Variants in PPIL2 observed in about 807,000 individuals in gnomAD.
PPIL2 encodes the protein RING-type E3 ubiquitin-protein ligase PPIL2.
A neutral mutation model predicts 75.2 loss-of-function variants in PPIL2; 50 were observed. The observed-to-expected ratio is 0.66, with a 90% confidence interval of 0.53 to 0.84. The LOEUF (loss-of-function observed/expected upper bound fraction) is 0.84. Ranked by LOEUF, PPIL2 falls within the 40% of genes least tolerant of loss-of-function variation. PPIL2 has a pLI of 0.00. For synonymous variants in PPIL2, 245 were observed against 258.8 expected, an observed-to-expected ratio of 0.95 and a Z score of 0.51; for missense variants, 590 against 685.0, an observed-to-expected ratio of 0.86 and a Z score of 1.55.
rs1426955067 is a variant in PPIL2, at chr22:21,695,597, A to G, written c.*107A>G. 4.0e-6 allele frequency: 6 copies of G among 1,516,432 alleles called. No individual in the cohort carries two copies. The highest frequency in any genetic ancestry group is 5.3e-6 in the Non-Finnish European group (6 of 1,129,194). The allele number at this position is 1,516,432 out of a possible 1,614,324, so 93.9% of individuals were successfully genotyped here. A position where few individuals can be genotyped will look rare whatever the true frequency, so the allele number is the denominator to read the frequency against. On this transcript the variant is annotated 3_prime_UTR_variant, in exon 20 of 20. Transcript: ENST00000398831. ...CCTGCCCTCTGCTGCCAGCCAATAA[A>G]TTGCTTGCCTGCTGCCTGCATCCCC...
At chr22:21,679,676 A>G (rs1472609379) in intron 6 of PPIL2, among the ~76,000 whole-genome samples, 1 of 151,052 alleles carries the variant, frequency 6.6e-6, no homozygotes, top group African/African-American at 2.4e-5. Context: ...ACCTCAAGCA[A>G]TCCTCCCACC....
intron 15 of PPIL2, among the ~76,000 whole-genome samples, chr22:21,692,925 CAAAA>C (rs113931448): frequency 1.9e-5 from 2 of 103,786 alleles, no homozygotes; most frequent in African/African-American, 3.4e-5. Context: ...GATTCCATCT[CAAAA>C]AAAAAAAAAA....
intron 15 of PPIL2, among the ~76,000 whole-genome samples, chr22:21,689,912 C>T (rs537618392): frequency 1.3e-4 from 20 of 152,310 alleles, no homozygotes; most frequent in Admixed American, 7.8e-4. Flanking sequence ...TGGGTGTCTC[C>T]GTGGCATTCT....
chr22:21,699,255 C>G (rs946970734), downstream of PPIL2: 2 of 152,412 alleles, frequency 1.3e-5, no homozygotes, highest in Admixed American at 1.3e-4. Flanking sequence ...CCTAGACTAG[C>G]CTTGTCTGAA....
Position 21,688,098 on chromosome 22 carries a change from C to A in PPIL2, c.1013C>A (p.Thr338Lys), listed in dbSNP as rs753869555. The A allele has an allele frequency of 1.1e-5, 18 of 1,614,214 alleles. No individual in the cohort carries two copies. The highest frequency in any genetic ancestry group is 1.4e-5 in the Non-Finnish European group (17 of 1,180,034). ...ATCCAAGGGGGCGACCCCACAGGCA[C>A]AGGCACGGGTAGGTACTGGTGCTGG... is the stretch of plus-strand genomic sequence containing the variant. ...FVIQGGDPTGTGTGGESYWGK... is the reference protein window; with the variant it reads ...FVIQGGDPTGKGTGGESYWGK... Residue 338 changes from threonine (T) to lysine (K), a missense_variant, in exon 14 of 20, where the codon ACA becomes AAA. Thr to Lys is a moderately conservative substitution (Grantham distance 78). Coordinates refer to ENST00000398831, the MANE Select transcript of PPIL2 (RefSeq NM_014337.4).
intron 10 of PPIL2, among the ~76,000 whole-genome samples, chr22:21,685,446 G>A (rs1369468020): frequency 6.6e-6 from 1 of 152,148 alleles, no homozygotes; most frequent in African/African-American, 2.4e-5. Context: ...CTCCTGTCAG[G>A]CAGAGCATGG....
chr22:21,669,785 C>G, intron 1 of PPIL2, 128 bp from the exon 2 acceptor site: 1 of 963,328 alleles, frequency 1.0e-6, no homozygotes, highest in South Asian at 1.3e-5. Flanking sequence ...CAGGCGTTAG[C>G]CACCGTGCCC....
In PPIL2 at chr22:21,671,000, C is replaced by G. The variant is rs1438381304; in HGVS notation, c.132C>G (p.Leu44=). 2 of 1,612,202 alleles carry G rather than the reference C, an allele frequency of 1.2e-6. No individual in the cohort carries two copies. Among genetic ancestry groups the G allele is most frequent in the African/African-American group, 1.3e-5 (1 of 74,914 alleles). ...AGGAATGACTGTCCTTTTTCAGTCT[C>G]TCTCTGCAGCCCTTTGTCTACCCAG... ...FRRLPFDHCS[L]SLQPFVYPVC... Residue 44 remains leucine (L), a synonymous_variant, in exon 4 of 20, where the codon CTC becomes CTG. Transcript: ENST00000398831.
At chr22:21,688,156 G>A (rs939385721) in intron 14 of PPIL2, 50 bp downstream of exon 14, 2 of 1,609,400 alleles carry the variant, frequency 1.2e-6, no homozygotes, top group Non-Finnish European at 1.7e-6. Context: ...TGCTCCGTGG[G>A]GCATGAGGGG....
chr22:21,698,598 A>T (rs1328201825), downstream of PPIL2: 1 of 152,338 alleles, frequency 6.6e-6, no homozygotes, highest in Non-Finnish European at 1.5e-5. Context: ...ATGAAGACTC[A>T]CTCAAAGGGA....
In PPIL2 at chr22:21,672,330, G is replaced by A. The variant is rs888467256; in HGVS notation, c.192G>A (p.Leu64=). 5 of 1,611,550 alleles carry A rather than the reference G, an allele frequency of 3.1e-6. No homozygotes were observed. The highest frequency in any genetic ancestry group is 4.2e-6 in the Non-Finnish European group (5 of 1,177,780). The change falls in exon 5 of 20, where the codon CTG becomes CTA. Residue 64 remains leucine, a splice_region_variant and synonymous_variant. Coordinates refer to ENST00000398831, the MANE Select transcript of PPIL2 (RefSeq NM_014337.4). The stretch of plus-strand genomic sequence containing the variant: ...GCTTTCTGTTCTGTCTTCCCTTCAG[G>A]AACATTGTTCCATGGCTTAAGAAGT... ...CTPDGIVFDL[L]NIVPWLKKYG...
chr22:21,685,812 G>A, intron 10 of PPIL2: 1 of 363,110 alleles, frequency 2.8e-6, no homozygotes, highest in Non-Finnish European at 5.4e-6. Context: ...AACATTTATT[G>A]GGGCTTTTCC....
intron 12 of PPIL2, 23 bp downstream of exon 12, chr22:21,687,021 C>CT: frequency 1.3e-6 from 2 of 1,595,122 alleles, no homozygotes; most frequent in Non-Finnish European, 1.7e-6. Flanking sequence ...GCCAGCCACT[C>CT]CCCATGCCCC....
intron 16 of PPIL2, 119 bp from the exon 17 acceptor site, chr22:21,694,474 C>T (rs1264968443): frequency 1.8e-6 from 2 of 1,134,874 alleles, no homozygotes; most frequent in Middle Eastern, 2.8e-4. Flanking sequence ...TGGCTGCTGC[C>T]CAAGGACCAC....
chr22:21,682,613 GC>G (rs2067180429), intron 8 of PPIL2, 87 bp downstream of exon 8: 22 of 697,860 alleles, frequency 3.2e-5, no homozygotes, highest in Non-Finnish European at 4.5e-5. Flanking sequence ...CCACGTCAGG[GC>G]CCCTCATATC....
chr22:21,691,745 C>T (rs1364888866), intron 15 of PPIL2, among the ~76,000 whole-genome samples: 3 of 151,926 alleles, frequency 2.0e-5, no homozygotes, highest in Non-Finnish European at 4.4e-5. Context: ...CTTTTACTTT[C>T]CTCTTATCTG....
intron 9 of PPIL2, among the ~76,000 whole-genome samples, chr22:21,684,384 A>G (rs1344682603): frequency 6.9e-6 from 1 of 145,940 alleles, no homozygotes; most frequent in African/African-American, 2.6e-5. Flanking sequence ...CCTGGGAGGC[A>G]GAACTTGCAG....
chr22:21,672,372 C>A lies in PPIL2; in HGVS notation c.234C>A (p.Ser78Arg). 1 of 1,609,336 alleles carries A rather than the reference C, an allele frequency of 6.2e-7. No homozygotes were observed. The highest frequency in any genetic ancestry group is 8.5e-7 in the Non-Finnish European group (1 of 1,175,660). ...PWLKKYGTNP[S>R]NGEKLDGRSL... ...TTAAGAAGTACGGGACCAACCCCAG[C>A]AATGGAGAGGTAGGTGGCTGTGCAG... Residue 78 changes from serine (S) to arginine (R), a missense_variant, in exon 5 of 20, where the codon AGC becomes AGA. Coordinates refer to ENST00000398831, the MANE Select transcript of PPIL2 (RefSeq NM_014337.4).
intron 10 of PPIL2, chr22:21,685,623 T>G (rs1171321193): frequency 2.2e-6 from 1 of 452,096 alleles, no homozygotes; most frequent in Non-Finnish European, 4.4e-6. Context: ...ACTTTTTTTT[T>G]TCTTTTGGAA....
Sources: gnomAD v4.1 joint callset for allele counts (sites outside exome capture counted in the v4.1 genomes callset) on GRCh38, gnomAD v4.1.1 for gene constraint, MANE v1.5 for transcripts, NCBI Gene and HGNC (gene_info 2026-07-23, HGNC 2026-07-21) for gene names.